ADGRV1: variants seen among roughly 807,000 people sequenced by gnomAD.
ADGRV1 encodes adhesion G protein-coupled receptor V1, also known as G-protein coupled receptor 98.
A neutral mutation model predicts 596.2 loss-of-function variants in ADGRV1; 359 were observed. That is an observed-to-expected ratio of 0.60 (90% CI 0.55 to 0.66). ADGRV1 has a LOEUF of 0.66. ADGRV1 is among the 30% of genes least tolerant of loss of function. The pLI is 0.00. For missense variants in ADGRV1, 7,274 were observed against 7,575.6 expected (o/e 0.96, Z 1.48); for synonymous variants, 2,681 against 2,679.2 (o/e 1.00, Z -0.02).
In ADGRV1 at chr5:91,127,075, C is replaced by T. The variant is rs566192174; in HGVS notation, c.18433-22955C>T. Among the ~76,000 whole-genome samples the T allele has an allele frequency of 2.0e-5, 3 of 152,222 alleles. No homozygotes were observed. The South Asian group carries it at 6.2e-4, about 32-fold the overall frequency. On this transcript the variant is annotated intron_variant, in intron 87 of 89. Transcript: ENST00000405460. Reference sequence around the variant, plus strand: ...TCCCAACAACCTGAACAAAGAGCACCTTTGCGCTTGCTGGTAGGTGCTGTA... The same window carrying T: ...TCCCAACAACCTGAACAAAGAGCACTTTTGCGCTTGCTGGTAGGTGCTGTA...
At chr5:90,940,585 T>A (rs1776093133) in intron 83 of ADGRV1, among the ~76,000 whole-genome samples, 1 of 152,190 alleles carries the variant, frequency 6.6e-6, no homozygotes, top group African/African-American at 2.4e-5. Context: ...AGGTCAATAA[T>A]AAATTATTGA....
intron 83 of ADGRV1, among the ~76,000 whole-genome samples, chr5:90,915,121 C>T (rs1278964868): frequency 1.3e-5 from 2 of 152,020 alleles, no homozygotes; most frequent in African/African-American, 4.8e-5. Flanking sequence ...AAAAAATGTT[C>T]AGTATTATTA....
intron 85 of ADGRV1, among the ~76,000 whole-genome samples, chr5:90,999,105 T>G (rs1005181036): frequency 6.6e-6 from 1 of 152,120 alleles, no homozygotes; most frequent in East Asian, 1.9e-4. Flanking sequence ...CTTGCTCTTT[T>G]CTTGTTTCCT....
At chr5:90,632,636 G>A (rs981066043) in intron 9 of ADGRV1, among the ~76,000 whole-genome samples, 4 of 152,114 alleles carry the variant, frequency 2.6e-5, no homozygotes, top group African/African-American at 9.7e-5. Flanking sequence ...CTCTGCTTCA[G>A]CATTCTATAT....
At chr5:91,057,242 T>C (rs1786967436) in intron 85 of ADGRV1, among the ~76,000 whole-genome samples, 1 of 152,238 alleles carries the variant, frequency 6.6e-6, no homozygotes, top group Admixed American at 6.5e-5. Flanking sequence ...TTTTAAATTA[T>C]TTCCATTTTG....
intron 87 of ADGRV1, among the ~76,000 whole-genome samples, chr5:91,128,672 T>C (rs2126785003): frequency 6.6e-6 from 1 of 152,094 alleles, no homozygotes; most frequent in Middle Eastern, 3.4e-3. Flanking sequence ...CTGGAAAAAA[T>C]AGTAATAGCA....
At chr5:90,976,214 G>GTATATATA (rs199752660) in intron 84 of ADGRV1, among the ~76,000 whole-genome samples, 2,959 of 140,852 alleles carry the variant, frequency 0.021, 112 homozygotes, top group African/African-American at 0.072. Context: ...GTGTGTGAGT[G>GTATATATA]TGTATATATA....
intron 6 of ADGRV1, 66 bp from the exon 7 acceptor site, chr5:90,627,145 C>A: frequency 3.6e-6 from 3 of 830,436 alleles, no homozygotes; most frequent in African/African-American, 1.7e-5. Context: ...TGACTTGTTA[C>A]ACTTTAGTTT....
intron 52 of ADGRV1, 79 bp from the exon 53 acceptor site, chr5:90,750,472 A>T (rs536528395): frequency 1.6e-6 from 2 of 1,282,066 alleles, no homozygotes; most frequent in East Asian, 2.3e-5. Context: ...TTGCAAATCC[A>T]TAATAACATG....
chr5:90,692,283 A>G (rs1324232049), intron 31 of ADGRV1, among the ~76,000 whole-genome samples: 1 of 152,140 alleles, frequency 6.6e-6, no homozygotes, highest in Non-Finnish European at 1.5e-5. Flanking sequence ...AAGTTATAGG[A>G]CGTAAAAGTA....
intron 1 of ADGRV1, among the ~76,000 whole-genome samples, chr5:90,605,292 G>A (rs536725412): frequency 1.3e-5 from 2 of 152,128 alleles, no homozygotes; most frequent in Non-Finnish European, 2.9e-5. Flanking sequence ...GCACGTGCCT[G>A]TAGTCCCAGC....
chr5:90,614,633 A>C, intron 1 of ADGRV1: 1 of 622,910 alleles, frequency 1.6e-6, no homozygotes. Context: ...GAATAGTAGA[A>C]AGAGAACCGT....
intron 86 of ADGRV1, among the ~76,000 whole-genome samples, chr5:91,079,160 T>A (rs1789113533): frequency 2.0e-5 from 3 of 152,186 alleles, no homozygotes; most frequent in Non-Finnish European, 4.4e-5. Flanking sequence ...GGCAGTTAGA[T>A]GCCTGTTTGC....
intron 21 of ADGRV1, among the ~76,000 whole-genome samples, chr5:90,665,502 C>T (rs1771182029): frequency 6.6e-6 from 1 of 151,978 alleles, no homozygotes; most frequent in Non-Finnish European, 1.5e-5. Context: ...ATTCTTCTCT[C>T]TTTTTTTCTT....
chr5:90,806,933 A>G (rs1352856011), intron 72 of ADGRV1, among the ~76,000 whole-genome samples: 1 of 151,706 alleles, frequency 6.6e-6, no homozygotes, highest in Non-Finnish European at 1.5e-5. Flanking sequence ...ACTCACTGCA[A>G]CCTCCACCTC....
chr5:90,648,546 C>A (rs1340163880), intron 17 of ADGRV1, among the ~76,000 whole-genome samples: 1 of 152,124 alleles, frequency 6.6e-6, no homozygotes, highest in Non-Finnish European at 1.5e-5. Context: ...TGTCTGCCAC[C>A]CCCAGTGGAA....
intron 85 of ADGRV1, among the ~76,000 whole-genome samples, chr5:91,004,301 C>G (rs1355267917): frequency 1.3e-5 from 2 of 152,054 alleles, no homozygotes; most frequent in Admixed American, 1.3e-4. Flanking sequence ...GCATGCAGGA[C>G]AGTTTCGTAA....
chr5:90,777,435 T>C (rs1350650574), intron 61 of ADGRV1, among the ~76,000 whole-genome samples: 1 of 152,130 alleles, frequency 6.6e-6, no homozygotes, highest in African/African-American at 2.4e-5. Context: ...TAAATTTTCT[T>C]ATGGGGGATG....
intron 85 of ADGRV1, among the ~76,000 whole-genome samples, chr5:91,045,265 T>C (rs570974626): frequency 6.6e-6 from 1 of 152,282 alleles, no homozygotes; most frequent in East Asian, 1.9e-4. Flanking sequence ...ATATCCCTGA[T>C]GAACATACAT....
Sources: gnomAD v4.1 joint callset for allele counts (sites outside exome capture counted in the v4.1 genomes callset) on GRCh38, gnomAD v4.1.1 for gene constraint, MANE v1.5 for transcripts, NCBI Gene and HGNC (gene_info 2026-07-23, HGNC 2026-07-21) for gene names.